ITGA11: variants seen among roughly 807,000 people sequenced by gnomAD.
ITGA11 encodes the protein integrin subunit alpha 11.
In ITGA11, 97 loss-of-function variants were observed where a neutral mutation model predicts 141.9. That is an observed-to-expected ratio of 0.68 (90% CI 0.58 to 0.81). The LOEUF (loss-of-function observed/expected upper bound fraction) is 0.81. Ranked by LOEUF, ITGA11 falls within the 30% of genes least tolerant of loss-of-function variation. The pLI is 0.00. For synonymous variants in ITGA11, 658 were observed against 624.6 expected, an observed-to-expected ratio of 1.05 and a Z score of -0.80; for missense variants, 1,387 against 1,559.2, an observed-to-expected ratio of 0.89 and a Z score of 1.86.
At chr15:68,384,916 A>G (rs2140381927) in intron 2 of ITGA11, among the ~76,000 whole-genome samples, 1 of 152,362 alleles carries the variant, frequency 6.6e-6, no homozygotes, top group East Asian at 1.9e-4. Flanking sequence ...AAAAGGGCAG[A>G]CTTGTGTAAG....
At chr15:68,364,658 C>T (rs774556394) in intron 4 of ITGA11, 49 bp downstream of exon 4, 1 of 1,227,172 alleles carries the variant, frequency 8.1e-7, no homozygotes, top group Non-Finnish European at 1.2e-6. Flanking sequence ...CCCCTCCCCA[C>T]CCCCACCCCT....
At chr15:68,318,878 C>T (rs999870736) in intron 20 of ITGA11, among the ~76,000 whole-genome samples, 4 of 152,172 alleles carry the variant, frequency 2.6e-5, no homozygotes, top group African/African-American at 9.7e-5. Flanking sequence ...CTAGGACCCC[C>T]GCAACACCCA....
rs148079454 is a variant in ITGA11, at chr15:68,362,991, ATGATGGATGGT to A, written c.358-1298_358-1288del. Among the ~76,000 whole-genome samples the A allele has an allele frequency of 7.4e-3, 1,123 of 151,538 alleles. 11 individuals carry two copies. Among genetic ancestry groups the A allele is most frequent in the Middle Eastern group, 0.017 (5 of 288 alleles). ...GAATAAGTGGATGAATGACAGATGG[ATGATGGATGGT>A]TGATGGATGGATGGATGATGAATTG... On this transcript the variant is annotated intron_variant, in intron 4 of 29. Transcript: ENST00000315757.
In ITGA11 at chr15:68,297,293, G is replaced by A. The variant is rs1302463934; in HGVS notation, c.*5766C>T. On this transcript the variant is annotated 3_prime_UTR_variant, in exon 30 of 30. Coordinates refer to ENST00000315757, the MANE Select transcript of ITGA11 (RefSeq NM_001004439.2). ...TTTGTCTTTTTTAAGTGGGGAGGTG[G>A]GAGTGGCTAACTTTTTTCATTATTA... The A allele has an allele frequency of 6.6e-6, 1 of 151,992 alleles. No individual in the cohort carries two copies. Among genetic ancestry groups the A allele is most frequent in the East Asian group, 1.9e-4 (1 of 5,184 alleles). 9.4% of individuals were successfully genotyped at this position (151,992 alleles called of 1,614,324 possible). A position where few individuals can be genotyped will look rare whatever the true frequency, so the allele number is the denominator to read the frequency against.
intron 7 of ITGA11, 177 bp downstream of exon 7, chr15:68,356,974 T>C: frequency 1.6e-6 from 1 of 609,824 alleles, no homozygotes; most frequent in Non-Finnish European, 2.8e-6. Flanking sequence ...TGCAACTACC[T>C]GAGAGGACCC....
intron 2 of ITGA11, among the ~76,000 whole-genome samples, chr15:68,392,105 T>C (rs1204715275): frequency 6.6e-6 from 1 of 152,214 alleles, no homozygotes. Context: ...AGGCAATTAC[T>C]ATTCAATTTG....
chr15:68,406,197 G>A (rs917217246), intron 1 of ITGA11, among the ~76,000 whole-genome samples: 18 of 152,120 alleles, frequency 1.2e-4, no homozygotes, highest in African/African-American at 4.3e-4. Context: ...CATGGCCAGA[G>A]GGACCCTTCC....
intron 10 of ITGA11, among the ~76,000 whole-genome samples, chr15:68,346,458 G>C (rs1894746996): frequency 6.6e-6 from 1 of 152,194 alleles, no homozygotes; most frequent in Non-Finnish European, 1.5e-5. Context: ...GCAGGACAGT[G>C]AGCTGATTAT....
In ITGA11 at chr15:68,311,386, C is replaced by T. The variant is rs754924453; in HGVS notation, c.2991G>A (p.Leu997=). 7.7e-6 allele frequency: 12 copies of T among 1,564,808 alleles called. No individual in the cohort carries two copies. The Admixed American group carries it at 1.7e-4, about 22-fold the overall frequency. ...TCATCATCATCCCGTGGATGGGGAACAAGCCCAAGTTCTGGATCTGTGGCC... is the reference window on the plus strand; with the variant it reads ...TCATCATCATCCCGTGGATGGGGAATAAGCCCAAGTTCTGGATCTGTGGCC... The part of the protein sequence containing the change: ...SCIFRIQNLG[L]FPIHGMMMKI... The change falls in exon 25 of 30, where the codon TTG becomes TTA. Residue 997 remains leucine (L), a synonymous_variant. Coordinates refer to ENST00000315757, the MANE Select transcript of ITGA11 (RefSeq NM_001004439.2).
In ITGA11 at chr15:68,335,092, A is replaced by G. The variant is rs550423987; in HGVS notation, c.1425+605T>C. On this transcript the variant is annotated intron_variant, in intron 12 of 29. Transcript: ENST00000315757. The surrounding 1 kb of genome is among the most constrained non-coding windows in gnomAD (Gnocchi z 4.9). ...GGCAGGGAGCTGGGGACAACATGGA[A>G]GGGCCTGGACAGCACTCAGCTCTGG... is the stretch of plus-strand genomic sequence containing the variant. Among the ~76,000 whole-genome samples, 1 of 152,214 alleles carries G rather than the reference A, an allele frequency of 6.6e-6. No homozygotes were observed. Among genetic ancestry groups the G allele is most frequent in the South Asian group, 2.1e-4 (1 of 4,804 alleles).
At position 68,305,306 on chromosome 15, in the gene ITGA11, C is replaced by G. The variant is rs1239235062; in HGVS notation, c.3382-1421G>C. Among the ~76,000 whole-genome samples the G allele has an allele frequency of 6.6e-6, 1 of 152,234 alleles. No homozygotes were observed. The highest frequency in any genetic ancestry group is 2.4e-5 in the African/African-American group (1 of 41,460). On this transcript the variant is annotated intron_variant, in intron 28 of 29. Transcript: ENST00000315757. The surrounding 1 kb of genome is among the most constrained non-coding windows in gnomAD (Gnocchi z 4.6). ...TTTATTGGAGAGGCTTTTCCCAACT[C>G]CCCTGTATAAAACAGCACCCCCTGG...
intron 1 of ITGA11, among the ~76,000 whole-genome samples, chr15:68,419,659 T>C (rs1239879838): frequency 6.6e-6 from 1 of 152,218 alleles, no homozygotes; most frequent in African/African-American, 2.4e-5. Context: ...CATGGAAGCA[T>C]AGCCCCTAAA....
rs1893096433 is a variant in ITGA11, at chr15:68,303,543, T to C, written c.3495+229A>G. On this transcript the variant is annotated intron_variant, in intron 29 of 29. Transcript: ENST00000315757. This position sits in a 1 kb window ranked among gnomAD's most constrained non-coding sequence, Gnocchi z 5.3. ...ACTTGCTTTTTTTTTTTTTCTCTAATAATAGGAACCTTAGTTTTCATCAGG... is the reference window on the plus strand; with the variant it reads ...ACTTGCTTTTTTTTTTTTTCTCTAACAATAGGAACCTTAGTTTTCATCAGG... Among the ~76,000 whole-genome samples the C allele has an allele frequency of 6.6e-6, 1 of 151,438 alleles. No individual in the cohort carries two copies. Among genetic ancestry groups the C allele is most frequent in the African/African-American group, 2.4e-5 (1 of 41,182 alleles).
At chr15:68,383,007 C>T (rs1895899601) in intron 2 of ITGA11, among the ~76,000 whole-genome samples, 1 of 152,072 alleles carries the variant, frequency 6.6e-6, no homozygotes, top group Non-Finnish European at 1.5e-5. Flanking sequence ...CGTGGTGGCT[C>T]ACGCCTGTAA....
At chr15:68,379,591 A>T (rs6494740) in intron 2 of ITGA11, among the ~76,000 whole-genome samples, 3 of 152,118 alleles carry the variant, frequency 2.0e-5, no homozygotes, top group Non-Finnish European at 4.4e-5. Flanking sequence ...TCTGGGTCCC[A>T]TCTGCAGGTG....
chr15:68,403,040 G>A lies in ITGA11; in HGVS notation c.53-11C>T, dbSNP rs1356089923. 1.9e-6 allele frequency: 3 copies of A among 1,587,324 alleles called. No individual in the cohort carries two copies. The highest frequency in any genetic ancestry group is 2.6e-6 in the Non-Finnish European group (3 of 1,157,560). On this transcript the variant is annotated splice_polypyrimidine_tract_variant and intron_variant, in intron 1 of 29. Transcript: ENST00000315757. ...AGGTGTCCGTGAACCCTGAGGCAGG[G>A]GGAGAGGAGAGGAGAAGCAGGGGAG...
At chr15:68,388,557 A>T (rs1896040961) in intron 2 of ITGA11, among the ~76,000 whole-genome samples, 1 of 152,192 alleles carries the variant, frequency 6.6e-6, no homozygotes, top group Non-Finnish European at 1.5e-5. Flanking sequence ...AAACTCCATC[A>T]GAGCAGAGAC....
At chr15:68,330,486 CTT>C (rs34407903) in intron 15 of ITGA11, among the ~76,000 whole-genome samples, 2,875 of 140,858 alleles carry the variant, frequency 0.02, 67 homozygotes, top group East Asian at 0.063. Context: ...TACTCAAGGT[CTT>C]TTTTTTTTTT....
chr15:68,380,918 G>T (rs560984128), intron 2 of ITGA11, among the ~76,000 whole-genome samples: 1 of 152,310 alleles, frequency 6.6e-6, no homozygotes, highest in African/African-American at 2.4e-5. Flanking sequence ...AGTACAGACA[G>T]ACGGTTGGAT....
Sources: allele counts gnomAD v4.1 joint callset (sites outside exome capture counted in the v4.1 genomes callset), GRCh38; gene constraint gnomAD v4.1.1; non-coding constraint Gnocchi (gnomAD v3.1); transcripts MANE v1.5; gene names NCBI Gene and HGNC (gene_info 2026-07-23, HGNC 2026-07-21).